CHRM2: variants seen among roughly 807,000 people sequenced by gnomAD.
CHRM2 encodes cholinergic receptor muscarinic 2, also known as muscarinic acetylcholine receptor M2.
Under a neutral mutation model 25.0 loss-of-function variants are expected in CHRM2, and 8 were observed. The observed-to-expected ratio is 0.32, with a 90% CI of 0.19 to 0.58. The LOEUF (loss-of-function observed/expected upper bound fraction) is 0.58. Among genes scored for constraint, CHRM2 ranks in the 20% least tolerant of loss-of-function variants. The pLI is 0.88. For synonymous variants in CHRM2, 202 were observed against 205.7 expected (o/e 0.98, Z 0.15); for missense variants, 440 against 567.1 (o/e 0.78, Z 2.28).
intron 2 of CHRM2, among the ~76,000 whole-genome samples, chr7:136,971,921 A>G (rs2130933666): frequency 6.6e-6 from 1 of 152,218 alleles, no homozygotes; most frequent in African/African-American, 2.4e-5. Flanking sequence ...CTCTAAAGGG[A>G]GTAGGCAGCA....
At chr7:136,891,954 T>A (rs190009066) in intron 2 of CHRM2, among the ~76,000 whole-genome samples, 14 of 152,334 alleles carry the variant, frequency 9.2e-5, no homozygotes, top group Non-Finnish European at 1.5e-4. Flanking sequence ...CAGTAATTTA[T>A]CTAACTTTTA....
In CHRM2 at chr7:136,869,033, T is replaced by A. The variant is rs1795704678; in HGVS notation, c.-283+41T>A. On this transcript the variant is annotated intron_variant, in intron 1 of 3. Coordinates refer to ENST00000680005, the MANE Select transcript of CHRM2 (RefSeq NM_001006630.2). This position sits in a 1 kb window ranked among gnomAD's most constrained non-coding sequence, Gnocchi z 4.9. The stretch of plus-strand genomic sequence containing the variant: ...TTGCTTCTCCTTTAGTGGTTTGGCG[T>A]GGAGGGCGGGGGCAGCGTCAATTTA... The A allele has an allele frequency of 6.6e-6, 1 of 152,230 alleles. No homozygotes were observed. 9.4% of individuals were successfully genotyped at this position (152,230 alleles called of 1,614,324 possible). A position where few individuals can be genotyped will look rare whatever the true frequency, so the allele number is the denominator to read the frequency against.
chr7:136,981,784 C>T (rs1224064038), intron 2 of CHRM2, among the ~76,000 whole-genome samples: 2 of 152,132 alleles, frequency 1.3e-5, no homozygotes, highest in Non-Finnish European at 2.9e-5. Flanking sequence ...ATCCTGAGTT[C>T]TAATTTGATT....
At chr7:137,005,089 C>T (rs989728311) in intron 3 of CHRM2, among the ~76,000 whole-genome samples, 63 of 152,022 alleles carry the variant, frequency 4.1e-4, no homozygotes, top group African/African-American at 1.4e-3. Flanking sequence ...CAAGATTTAG[C>T]TATATGGGGG....
At chr7:136,891,438 G>T (rs1796687013) in intron 2 of CHRM2, among the ~76,000 whole-genome samples, 1 of 152,116 alleles carries the variant, frequency 6.6e-6, no homozygotes, top group Non-Finnish European at 1.5e-5. Context: ...TTAGAATGGG[G>T]TGATGGGGTT....
At chr7:136,894,079 T>A (rs1796795959) in intron 2 of CHRM2, among the ~76,000 whole-genome samples, 1 of 152,136 alleles carries the variant, frequency 6.6e-6, no homozygotes, top group Non-Finnish European at 1.5e-5. Context: ...AATCCTATCA[T>A]CATCAGACTA....
intron 3 of CHRM2, among the ~76,000 whole-genome samples, chr7:137,013,047 G>A (rs1294499946): frequency 6.6e-6 from 1 of 151,808 alleles, no homozygotes; most frequent in Non-Finnish European, 1.5e-5. Flanking sequence ...TTCTTTGATT[G>A]AACTACTACA....
chr7:136,896,905 T>C (rs908531088), intron 2 of CHRM2, among the ~76,000 whole-genome samples: 1 of 151,998 alleles, frequency 6.6e-6, no homozygotes, highest in African/African-American at 2.4e-5. Flanking sequence ...TATGATTGAT[T>C]TGTTTTTCTC....
At chr7:136,950,036 A>G (rs1044220337) in intron 2 of CHRM2, among the ~76,000 whole-genome samples, 1 of 152,066 alleles carries the variant, frequency 6.6e-6, no homozygotes, top group African/African-American at 2.4e-5. Context: ...TTTTGTTGTT[A>G]TTGCCTCTCT....
At chr7:136,876,953 C>G (rs909984996) in intron 2 of CHRM2, among the ~76,000 whole-genome samples, 1 of 152,058 alleles carries the variant, frequency 6.6e-6, no homozygotes, top group Admixed American at 6.6e-5. Flanking sequence ...ATCTGAGACA[C>G]TTTATTCCTC....
chr7:136,896,246 C>A (rs2130586894), intron 2 of CHRM2, among the ~76,000 whole-genome samples: 1 of 152,188 alleles, frequency 6.6e-6, no homozygotes, highest in Non-Finnish European at 1.5e-5. Flanking sequence ...AGATGAAGTT[C>A]ATCAGAGGCA....
intron 2 of CHRM2, among the ~76,000 whole-genome samples, chr7:136,878,702 G>T (rs1190678577): frequency 6.6e-6 from 1 of 151,856 alleles, no homozygotes; most frequent in African/African-American, 2.4e-5. Flanking sequence ...ACCCGATGTG[G>T]TAAATTTATT....
chr7:136,958,385 T>C (rs955586353), intron 2 of CHRM2, among the ~76,000 whole-genome samples: 1 of 152,254 alleles, frequency 6.6e-6, no homozygotes. Context: ...TTCTATTTTC[T>C]ATTGTACTTC....
chr7:136,976,681 T>C (rs1311162009), intron 2 of CHRM2, among the ~76,000 whole-genome samples: 1 of 152,174 alleles, frequency 6.6e-6, no homozygotes, highest in African/African-American at 2.4e-5. Context: ...TTTGAGGGAC[T>C]AGACATTAGC....
At chr7:136,974,617 T>G (rs753329069) in intron 2 of CHRM2, among the ~76,000 whole-genome samples, 1 of 152,160 alleles carries the variant, frequency 6.6e-6, no homozygotes, top group Non-Finnish European at 1.5e-5. Context: ...TCAGTGGGGC[T>G]GTATTATATT....
chr7:136,978,101 T>C (rs1802229935), intron 2 of CHRM2, among the ~76,000 whole-genome samples: 1 of 152,134 alleles, frequency 6.6e-6, no homozygotes, highest in South Asian at 2.1e-4. Flanking sequence ...GCTGGAAAAC[T>C]ACCCATTGGG....
intron 2 of CHRM2, chr7:136,907,059 G>A (rs1385577957): frequency 1.3e-5 from 2 of 151,592 alleles, no homozygotes; most frequent in African/African-American, 4.8e-5. Flanking sequence ...GCTCGCAATA[G>A]GGTTTGTGCT....
rs144187366 is a variant in CHRM2 at position 137,017,218 on chromosome 7, T to A, written c.*952T>A. ...ACTGTAAAGTTGAGGTTTCATCAAA[T>A]TAAATAATGGACTATCTAGTTGGAC... On this transcript the variant is annotated 3_prime_UTR_variant, in exon 4 of 4. Coordinates refer to ENST00000680005, the MANE Select transcript of CHRM2 (RefSeq NM_001006630.2). 2.6e-5 allele frequency: 4 copies of A among 152,086 alleles called. No individual in the cohort carries two copies. In the East Asian group the frequency reaches 7.8e-4, roughly 30 times the overall value. 9.4% of individuals were successfully genotyped at this position (152,086 alleles called of 1,614,324 possible).
At chr7:136,948,421 G>A (rs1475156756) in intron 2 of CHRM2, among the ~76,000 whole-genome samples, 1 of 152,130 alleles carries the variant, frequency 6.6e-6, no homozygotes. Context: ...TTGTGCCAAT[G>A]GGAGTGGATC....
Sources: allele counts gnomAD v4.1 joint callset (sites outside exome capture counted in the v4.1 genomes callset), GRCh38; gene constraint gnomAD v4.1.1; non-coding constraint Gnocchi (gnomAD v3.1); transcripts MANE v1.5; gene names NCBI Gene and HGNC (gene_info 2026-07-23, HGNC 2026-07-21).